The following WWOX variants were observed in gnomAD, a reference collection of about 807,000 sequenced individuals.
WWOX encodes WW domain-containing oxidoreductase.
WWOX carries 69 observed loss-of-function variants against 46.2 expected under a neutral mutation model. That is an observed-to-expected ratio of 1.49 (90% CI 1.23 to 1.82). The LOEUF (loss-of-function observed/expected upper bound fraction) is 1.82. Ranked by LOEUF, WWOX falls within the 40% of genes most tolerant of loss-of-function variation. The pLI is 0.00. For synonymous variants in WWOX, 359 were observed against 202.6 expected, an observed-to-expected ratio of 1.77 and a Z score of -6.56; for missense variants, 919 against 542.6, an observed-to-expected ratio of 1.69 and a Z score of -6.89.
intron 8 of WWOX, among the ~76,000 whole-genome samples, chr16:78,654,637 T>TTCTC (rs142991695): frequency 2.7e-4 from 41 of 149,114 alleles, no homozygotes; most frequent in South Asian, 6.4e-4. Flanking sequence ...ATCTATACCT[T>TTCTC]TCTCTCTCTC....
At chr16:79,105,250 G>A (rs557016911) in intron 8 of WWOX, among the ~76,000 whole-genome samples, 2 of 152,186 alleles carry the variant, frequency 1.3e-5, no homozygotes, top group African/African-American at 2.4e-5. Flanking sequence ...ATCATTCAAA[G>A]GAATTTTTTT....
chr16:78,196,542 T>A (rs1007865810), intron 5 of WWOX, among the ~76,000 whole-genome samples: 1 of 152,230 alleles, frequency 6.6e-6, no homozygotes, highest in Non-Finnish European at 1.5e-5. Flanking sequence ...ATGTTTGTAT[T>A]GTTTGCAAAT....
intron 8 of WWOX, among the ~76,000 whole-genome samples, chr16:78,940,235 G>A (rs1372746185): frequency 2.6e-5 from 4 of 152,202 alleles, no homozygotes; most frequent in Non-Finnish European, 4.4e-5. Flanking sequence ...TTTGTGTGTA[G>A]AAATAGAATA....
At chr16:78,620,584 C>G (rs371935160) in intron 8 of WWOX, among the ~76,000 whole-genome samples, 2 of 152,146 alleles carry the variant, frequency 1.3e-5, no homozygotes, top group African/African-American at 2.4e-5. Flanking sequence ...ATCTGGGACT[C>G]TTGTCCCCTG....
intron 8 of WWOX, among the ~76,000 whole-genome samples, chr16:79,166,284 C>A (rs985980298): frequency 6.6e-6 from 1 of 152,322 alleles, no homozygotes; most frequent in Admixed American, 6.5e-5. Flanking sequence ...CTGGGTGTTT[C>A]AGCCAGGGCT....
intron 8 of WWOX, among the ~76,000 whole-genome samples, chr16:78,683,236 C>T (rs73567595): frequency 0.1 from 15,505 of 151,878 alleles, 1,341 homozygotes; most frequent in African/African-American, 0.24. Flanking sequence ...AGGAGGTGGG[C>T]GCGGTGGCTC....
At chr16:78,809,342 G>A (rs937791582) in intron 8 of WWOX, among the ~76,000 whole-genome samples, 3 of 147,546 alleles carry the variant, frequency 2.0e-5, no homozygotes, top group Admixed American at 6.8e-5. Context: ...AAAAACCACC[G>A]TGGTATTCTA....
At chr16:78,633,493 G>T (rs1296453639) in intron 8 of WWOX, among the ~76,000 whole-genome samples, 2 of 152,122 alleles carry the variant, frequency 1.3e-5, no homozygotes, top group Non-Finnish European at 2.9e-5. Context: ...CAGAACTTTG[G>T]TTAGGTCCTG....
At chr16:78,321,119 A>G (rs555661710) in intron 5 of WWOX, among the ~76,000 whole-genome samples, 23 of 151,944 alleles carry the variant, frequency 1.5e-4, no homozygotes, top group Non-Finnish European at 2.4e-4. Context: ...AGCGTAGAAA[A>G]GTTGGGTACA....
At chr16:78,532,225 C>G (rs895141457) in intron 8 of WWOX, among the ~76,000 whole-genome samples, 2 of 152,106 alleles carry the variant, frequency 1.3e-5, no homozygotes, top group East Asian at 1.9e-4. Flanking sequence ...ATTGGTATCA[C>G]TTTAAAATGA....
chr16:78,215,702 T>G (rs2036696393), intron 5 of WWOX, among the ~76,000 whole-genome samples: 1 of 152,090 alleles, frequency 6.6e-6, no homozygotes, highest in Admixed American at 6.5e-5. Context: ...CCGAGGCAGA[T>G]GGATCACTTG....
At chr16:79,063,622 C>A (rs2048392172) in intron 8 of WWOX, among the ~76,000 whole-genome samples, 2 of 152,210 alleles carry the variant, frequency 1.3e-5, no homozygotes, top group African/African-American at 4.8e-5. Context: ...TTTAAGCCAT[C>A]ACTAGAAACA....
chr16:79,017,675 A>G (rs1454940824), intron 8 of WWOX, among the ~76,000 whole-genome samples: 1 of 152,064 alleles, frequency 6.6e-6, no homozygotes, highest in East Asian at 1.9e-4. Context: ...TGAAATTTGA[A>G]TTCCATATGT....
chr16:78,981,832 C>G (rs369964673), intron 8 of WWOX: 1 of 152,216 alleles, frequency 6.6e-6, no homozygotes, highest in African/African-American at 2.4e-5. Context: ...CTGAGTTACA[C>G]TGAAGATGGT....
intron 8 of WWOX, among the ~76,000 whole-genome samples, chr16:79,012,559 C>A (rs1555511761): frequency 6.6e-6 from 1 of 152,108 alleles, no homozygotes; most frequent in South Asian, 2.1e-4. Context: ...AATTTGATAT[C>A]ATTGTGATCA....
At chr16:78,205,660 T>C (rs1234765422) in intron 5 of WWOX, among the ~76,000 whole-genome samples, 1 of 151,658 alleles carries the variant, frequency 6.6e-6, no homozygotes, top group African/African-American at 2.4e-5. Flanking sequence ...TACCCACTCA[T>C]CTACCCTTTC....
chr16:78,549,080 A>C (rs2044115992), intron 8 of WWOX, among the ~76,000 whole-genome samples: 1 of 152,196 alleles, frequency 6.6e-6, no homozygotes, highest in African/African-American at 2.4e-5. Context: ...GAATAAAGTG[A>C]GGAAAATAAA....
intron 8 of WWOX, among the ~76,000 whole-genome samples, chr16:78,450,007 G>A: frequency 6.6e-6 from 1 of 150,782 alleles, no homozygotes; most frequent in East Asian, 2.0e-4. Flanking sequence ...GTTTTGTTAT[G>A]ATTTTTTTTA....
intron 8 of WWOX, among the ~76,000 whole-genome samples, chr16:79,074,996 C>T (rs1435575857): frequency 6.6e-6 from 1 of 152,190 alleles, no homozygotes; most frequent in Non-Finnish European, 1.5e-5. Flanking sequence ...ACACATTCGA[C>T]TATTCCCTAC....
Sources: allele counts gnomAD v4.1 joint callset (sites outside exome capture counted in the v4.1 genomes callset), GRCh38; gene constraint gnomAD v4.1.1; transcripts MANE v1.5; gene names NCBI Gene and HGNC (gene_info 2026-07-23, HGNC 2026-07-21).